Variants in ASAP1 observed in about 807,000 individuals in gnomAD.
ASAP1 encodes the protein ArfGAP with SH3 domain, ankyrin repeat and PH domain 1, also known as arf-GAP with SH3 domain, ANK repeat and PH domain-containing protein 1.
In ASAP1, 43 loss-of-function variants were observed where a neutral mutation model predicts 145.2. The ratio of observed to expected loss-of-function variants is 0.30; its 90% CI spans 0.23 to 0.38. The LOEUF (loss-of-function observed/expected upper bound fraction) is 0.38. ASAP1 is among the 10% of genes least tolerant of loss of function. The probability of loss-of-function intolerance (pLI) is 1.00; values close to 1 mark genes in which losing one functional copy is unlikely to be tolerated. For synonymous variants in ASAP1, 546 were observed against 515.5 expected (o/e 1.06, Z -0.80); for missense variants, 1,018 against 1,355.3 (o/e 0.75, Z 3.91).
intron 3 of ASAP1, among the ~76,000 whole-genome samples, chr8:130,317,377 C>T (rs1211869973): frequency 1.3e-5 from 2 of 152,160 alleles, no homozygotes; most frequent in East Asian, 1.9e-4. Context: ...GAAACCTCTA[C>T]GATAAACTGA....
intron 3 of ASAP1, among the ~76,000 whole-genome samples, chr8:130,264,733 G>T (rs1210487358): frequency 6.6e-6 from 1 of 152,190 alleles, no homozygotes; most frequent in African/African-American, 2.4e-5. Flanking sequence ...GAGAAAGGGT[G>T]AATCCTTCCC....
At chr8:130,188,990 CTG>C (rs1404562082) in intron 5 of ASAP1, among the ~76,000 whole-genome samples, 1 of 151,918 alleles carries the variant, frequency 6.6e-6, no homozygotes, top group Non-Finnish European at 1.5e-5. Context: ...TCTGAAATTA[CTG>C]TGTTTGGATT....
At chr8:130,249,054 A>G (rs1184568683) in intron 3 of ASAP1, among the ~76,000 whole-genome samples, 1 of 152,090 alleles carries the variant, frequency 6.6e-6, no homozygotes, top group African/African-American at 2.4e-5. Flanking sequence ...GTGTGCCTCT[A>G]TGTCAGGTTA....
intron 2 of ASAP1, among the ~76,000 whole-genome samples, chr8:130,382,154 C>T (rs967065344): frequency 2.0e-5 from 3 of 151,774 alleles, no homozygotes; most frequent in Admixed American, 6.6e-5. Context: ...GGCGTGGTGG[C>T]AGGCGCCTGT....
intron 22 of ASAP1, among the ~76,000 whole-genome samples, chr8:130,116,143 T>C (rs929845693): frequency 6.6e-6 from 1 of 152,090 alleles, no homozygotes; most frequent in African/African-American, 2.4e-5. Flanking sequence ...CTTTTAAGAA[T>C]AAAAAGGCCC....
intron 26 of ASAP1, 84 bp downstream of exon 26, chr8:130,079,818 G>A: frequency 7.1e-7 from 1 of 1,414,612 alleles, no homozygotes; most frequent in East Asian, 2.3e-5. Context: ...GCAGCGCTGG[G>A]AAATTCATGA....
chr8:130,211,924 G>T (rs989010541), intron 5 of ASAP1, among the ~76,000 whole-genome samples: 1 of 152,152 alleles, frequency 6.6e-6, no homozygotes. Flanking sequence ...AGAAGTATGG[G>T]TTCCCACGGG....
At chr8:130,316,204 C>T (rs550247174) in intron 3 of ASAP1, among the ~76,000 whole-genome samples, 16 of 152,310 alleles carry the variant, frequency 1.1e-4, no homozygotes, top group African/African-American at 3.6e-4. Context: ...GAGGGCTATG[C>T]CAACCATCTT....
At chr8:130,390,247 A>G (rs1483343600) in intron 2 of ASAP1, among the ~76,000 whole-genome samples, 1 of 152,222 alleles carries the variant, frequency 6.6e-6, no homozygotes, top group Non-Finnish European at 1.5e-5. Context: ...AATTATATGA[A>G]CTTTATAAGT....
At chr8:130,138,272 T>C (rs2097599974) in intron 13 of ASAP1, among the ~76,000 whole-genome samples, 1 of 152,232 alleles carries the variant, frequency 6.6e-6, no homozygotes, top group South Asian at 2.1e-4. Context: ...TCTCCCTCTA[T>C]GATTTCAATG....
intron 3 of ASAP1, among the ~76,000 whole-genome samples, chr8:130,275,405 T>TG (rs1820818417): frequency 6.6e-6 from 1 of 152,224 alleles, no homozygotes; most frequent in African/African-American, 2.4e-5. Context: ...ACTTACGTAC[T>TG]TTCAGATGGA....
chr8:130,397,721 T>A (rs12550192), intron 2 of ASAP1, among the ~76,000 whole-genome samples: 3,810 of 152,314 alleles, frequency 0.025, 209 homozygotes, highest in East Asian at 0.23. Context: ...TTTTCCCCCA[T>A]CAAAGGGGTT....
chr8:130,180,904 A>T, intron 7 of ASAP1, 24 bp from the exon 8 acceptor site: 1 of 1,503,734 alleles, frequency 6.7e-7, no homozygotes, highest in Non-Finnish European at 8.8e-7. Flanking sequence ...CAATGTCATT[A>T]TTTAAAAAAA....
At chr8:130,313,306 T>TAA (rs76786135) in intron 3 of ASAP1, among the ~76,000 whole-genome samples, 3 of 142,116 alleles carry the variant, frequency 2.1e-5, no homozygotes, top group African/African-American at 2.6e-5. Context: ...CATAACCGTT[T>TAA]AAAAAAAAAA....
intron 13 of ASAP1, among the ~76,000 whole-genome samples, chr8:130,146,016 G>GTT (rs376317332): frequency 0.043 from 5,274 of 123,604 alleles, 172 homozygotes; most frequent in African/African-American, 0.094. Context: ...TAAGTTTTGT[G>GTT]TTTTTTTTTT....
At chr8:130,418,263 A>G (rs1296988672) in intron 1 of ASAP1, among the ~76,000 whole-genome samples, 1 of 152,196 alleles carries the variant, frequency 6.6e-6, no homozygotes, top group East Asian at 1.9e-4. Flanking sequence ...AAAGTATACA[A>G]TTCAGGCCCG....
chr8:130,310,962 C>T (rs540085326), intron 3 of ASAP1, among the ~76,000 whole-genome samples: 388 of 152,308 alleles, frequency 2.5e-3, no homozygotes, highest in Non-Finnish European at 4.5e-3. Flanking sequence ...TCTACTAAGG[C>T]GGCAGTGTTT....
chr8:130,077,537 C>CTTTTT (rs58327713), intron 26 of ASAP1, among the ~76,000 whole-genome samples: 6 of 62,030 alleles, frequency 9.7e-5, no homozygotes, highest in Non-Finnish European at 1.1e-4. Flanking sequence ...GCTGCTGCTG[C>CTTTTT]TTTTTTTTTT....
At chr8:130,187,535 C>T (rs1384616382) in intron 6 of ASAP1, among the ~76,000 whole-genome samples, 2 of 151,944 alleles carry the variant, frequency 1.3e-5, no homozygotes, top group Non-Finnish European at 2.9e-5. Context: ...CCCACCTCAG[C>T]TTCCTGAGTA....
Sources: allele counts gnomAD v4.1 joint callset (sites outside exome capture counted in the v4.1 genomes callset), GRCh38; gene constraint gnomAD v4.1.1; transcripts MANE v1.5; gene names NCBI Gene and HGNC (gene_info 2026-07-23, HGNC 2026-07-21).